RBM33: variants seen among roughly 807,000 people sequenced by gnomAD.
RBM33 encodes the protein RNA binding motif protein 33, also known as RNA-binding protein 33.
RBM33 carries 28 observed loss-of-function variants against 132.6 expected under a neutral mutation model. That is an observed-to-expected ratio of 0.21 (90% CI 0.16 to 0.29). RBM33 has a LOEUF of 0.29. Ranked by LOEUF, RBM33 falls within the 10% of genes least tolerant of loss-of-function variation. The probability of loss-of-function intolerance (pLI) is 1.00; values close to 1 mark genes in which losing one functional copy is unlikely to be tolerated. For missense variants in RBM33, 1,291 were observed against 1,518.5 expected (o/e 0.85, Z 2.49); for synonymous variants, 634 against 593.0 (o/e 1.07, Z -1.01).
At chr7:155,715,292 A>G (rs1374973981) in intron 8 of RBM33, among the ~76,000 whole-genome samples, 2 of 152,230 alleles carry the variant, frequency 1.3e-5, no homozygotes, top group Non-Finnish European at 2.9e-5. Context: ...ATTTGTTGGA[A>G]TAATTTTGCT....
At chr7:155,647,603 G>A (rs1322323166) in intron 1 of RBM33, among the ~76,000 whole-genome samples, 1 of 152,060 alleles carries the variant, frequency 6.6e-6, no homozygotes, top group Non-Finnish European at 1.5e-5. Context: ...GCTAATTTTT[G>A]TATTTTTTGT....
intron 1 of RBM33, among the ~76,000 whole-genome samples, chr7:155,662,037 C>T (rs1798665573): frequency 6.6e-6 from 1 of 152,102 alleles, no homozygotes; most frequent in Non-Finnish European, 1.5e-5. Context: ...TTTGCTTCTT[C>T]ACTCCTTTGT....
chr7:155,660,224 C>T (rs1798603539), intron 1 of RBM33, among the ~76,000 whole-genome samples: 1 of 152,118 alleles, frequency 6.6e-6, no homozygotes, highest in Non-Finnish European at 1.5e-5. Context: ...CAGGTGTGCA[C>T]CACCACACCC....
At chr7:155,713,236 G>A (rs1800357918) in intron 8 of RBM33, among the ~76,000 whole-genome samples, 1 of 152,160 alleles carries the variant, frequency 6.6e-6, no homozygotes, top group African/African-American at 2.4e-5. Context: ...CCATGTGAGT[G>A]GAGGGGTCTA....
intron 1 of RBM33, among the ~76,000 whole-genome samples, chr7:155,652,033 T>G (rs540051086): frequency 8.2e-4 from 125 of 152,366 alleles, no homozygotes; most frequent in African/African-American, 2.8e-3. Flanking sequence ...AAGGCTCATA[T>G]GTTCACTTCG....
At chr7:155,738,599 G>GA (rs1240050292) in intron 11 of RBM33, 196 bp downstream of exon 11, 6 of 589,776 alleles carry the variant, frequency 1.0e-5, no homozygotes, top group Non-Finnish European at 1.7e-5. Flanking sequence ...AAAAAAATGG[G>GA]AAAATGTCAT....
chr7:155,644,671 G>A lies in RBM33; in HGVS notation c.-206G>A. ...AGGGTGCACCGCGGCGGGCGCGGGC[G>A]CGCGGCCATGTTGCGGTAGTTTGTT... On this transcript the variant is annotated 5_prime_UTR_variant, in exon 1 of 18. Coordinates refer to ENST00000401878, the MANE Select transcript of RBM33 (RefSeq NM_053043.3). The A allele has an allele frequency of 2.4e-6, 1 of 420,990 alleles. No homozygotes were observed. Among genetic ancestry groups the A allele is most frequent in the Non-Finnish European group, 4.2e-6 (1 of 238,568 alleles). 26.1% of individuals were successfully genotyped at this position (420,990 alleles called of 1,614,324 possible).
At chr7:155,758,345 A>G (rs1049598311) in intron 14 of RBM33, among the ~76,000 whole-genome samples, 2 of 152,160 alleles carry the variant, frequency 1.3e-5, no homozygotes, top group Non-Finnish European at 2.9e-5. Flanking sequence ...CTTGGAAGAC[A>G]GTTTTTCCGT....
chr7:155,769,801 G>A (rs1802354489), intron 16 of RBM33, among the ~76,000 whole-genome samples: 1 of 152,186 alleles, frequency 6.6e-6, no homozygotes, highest in African/African-American at 2.4e-5. Flanking sequence ...AAAACACTAA[G>A]CAGTGTCAGA....
intron 6 of RBM33, among the ~76,000 whole-genome samples, chr7:155,702,624 C>T (rs541633126): frequency 2.4e-4 from 36 of 152,288 alleles, no homozygotes; most frequent in African/African-American, 7.9e-4. Context: ...AGAGACATGT[C>T]AGTCTTGGCT....
intron 6 of RBM33, among the ~76,000 whole-genome samples, chr7:155,704,682 T>C (rs1800065099): frequency 6.6e-6 from 1 of 152,252 alleles, no homozygotes; most frequent in Non-Finnish European, 1.5e-5. Flanking sequence ...TAATTCATTA[T>C]CTGTGAGTAG....
chr7:155,709,526 A>C (rs947889688), intron 7 of RBM33, among the ~76,000 whole-genome samples: 1 of 151,906 alleles, frequency 6.6e-6, no homozygotes, highest in Non-Finnish European at 1.5e-5. Context: ...CCATCTCCCA[A>C]CTGTCCCTGT....
At chr7:155,702,404 A>G (rs1421879618) in intron 6 of RBM33, among the ~76,000 whole-genome samples, 1 of 152,212 alleles carries the variant, frequency 6.6e-6, no homozygotes, top group Non-Finnish European at 1.5e-5. Flanking sequence ...TTGTGGCCCA[A>G]GATTTCCCTA....
At chr7:155,714,024 G>A (rs934391825) in intron 8 of RBM33, among the ~76,000 whole-genome samples, 3 of 152,230 alleles carry the variant, frequency 2.0e-5, no homozygotes, top group African/African-American at 7.2e-5. Flanking sequence ...GTAGGAGGGC[G>A]TGTTGAAGGT....
chr7:155,752,692 A>C (rs917370644), intron 14 of RBM33, among the ~76,000 whole-genome samples: 2 of 152,180 alleles, frequency 1.3e-5, no homozygotes, highest in Non-Finnish European at 2.9e-5. Flanking sequence ...CTAAGAACCC[A>C]TGGAAATTCC....
At chr7:155,732,427 C>CT (rs1487284284) in intron 9 of RBM33, among the ~76,000 whole-genome samples, 2 of 152,096 alleles carry the variant, frequency 1.3e-5, no homozygotes, top group Non-Finnish European at 2.9e-5. Context: ...CCAATATCTG[C>CT]TTTTTTAAGC....
intron 3 of RBM33, 51 bp from the exon 4 acceptor site, chr7:155,678,557 A>G (rs1664224115): frequency 1.7e-6 from 2 of 1,185,612 alleles, no homozygotes; most frequent in Non-Finnish European, 1.2e-6. Flanking sequence ...CTTTTTAACA[A>G]GTCTTTTTAT....
chr7:155,738,223 G>C lies in RBM33; in HGVS notation c.1557G>C (p.Gln519His), dbSNP rs757881662. The change falls in exon 11 of 18, where the codon CAG (glutamine) becomes CAC (histidine). Residue 519 changes from glutamine to histidine, a missense_variant. Gln to His is a conservative substitution (Grantham distance 24, BLOSUM62 0). This residue lies in a region of RBM33 where 841 missense variants were observed against 912.0 expected (regional missense o/e 0.92). Transcript: ENST00000401878. Reference sequence around the variant, plus strand: ...CAGCATTTAATCAGCAAGGACAGCAGCCAGTGTTCCCAAGAGAGCGGCCCG... The same window carrying C: ...CAGCATTTAATCAGCAAGGACAGCACCCAGTGTTCCCAAGAGAGCGGCCCG... The part of the protein sequence containing the change: ...PGPAFNQQGQ[Q>H]PVFPRERPVR... 2 of 1,613,990 alleles carry C rather than the reference G, an allele frequency of 1.2e-6. No individual in the cohort carries two copies. Among genetic ancestry groups the C allele is most frequent in the Admixed American group, 3.3e-5 (2 of 60,020 alleles).
chr7:155,707,057 C>A lies in RBM33; in HGVS notation c.937C>A (p.Pro313Thr). The change falls in exon 7 of 18, where the codon CCT becomes ACT. Residue 313 changes from proline (P) to threonine (T), a missense_variant. Physicochemically the swap from Pro to Thr is conservative, Grantham distance 38. Transcript: ENST00000401878. ...DHRPALLPTQPPVVPQAPPPP... is the reference protein window; with the variant it reads ...DHRPALLPTQTPVVPQAPPPP... ...CAGACCTGCGCTGCTTCCTACACAG[C>A]CTCCTGTCGTGGTAACTTCAGATTT... The A allele has an allele frequency of 6.5e-7, 1 of 1,545,296 alleles. No individual in the cohort carries two copies. Among genetic ancestry groups the A allele is most frequent in the Non-Finnish European group, 8.7e-7 (1 of 1,145,060 alleles).
Sources: allele counts gnomAD v4.1 joint callset (sites outside exome capture counted in the v4.1 genomes callset), GRCh38; gene constraint gnomAD v4.1.1; regional missense constraint gnomAD v4.1.1; transcripts MANE v1.5; gene names NCBI Gene and HGNC (gene_info 2026-07-23, HGNC 2026-07-21).